The following MBNL2 variants were observed in gnomAD, a reference collection of about 807,000 sequenced individuals.
MBNL2 encodes the protein muscleblind-like protein 2.
MBNL2 carries 17 observed loss-of-function variants against 41.9 expected under a neutral mutation model. That is an observed-to-expected ratio of 0.41 (90% confidence interval 0.28 to 0.61). MBNL2 has a LOEUF of 0.61. Ranked by LOEUF, MBNL2 falls within the 20% of genes least tolerant of loss-of-function variation. The probability of loss-of-function intolerance (pLI) is 0.35; values close to 1 mark genes in which losing one functional copy is unlikely to be tolerated. For synonymous variants in MBNL2, 195 were observed against 182.9 expected, an observed-to-expected ratio of 1.07 and a Z score of -0.53; for missense variants, 336 against 505.6, an observed-to-expected ratio of 0.66 and a Z score of 3.22.
chr13:97,223,032 T>C (rs2041053037), intron 1 of MBNL2, among the ~76,000 whole-genome samples: 1 of 152,246 alleles, frequency 6.6e-6, no homozygotes. Flanking sequence ...GCTACAGCTT[T>C]AATTGAGTTT....
At chr13:97,353,730 G>T (rs1248180245) in intron 5 of MBNL2, among the ~76,000 whole-genome samples, 1 of 152,084 alleles carries the variant, frequency 6.6e-6, no homozygotes, top group East Asian at 1.9e-4. Context: ...AACACAAAAG[G>T]TGTCTGATCT....
chr13:97,320,061 A>C (rs544088664), intron 2 of MBNL2, among the ~76,000 whole-genome samples: 2 of 152,318 alleles, frequency 1.3e-5, no homozygotes, highest in African/African-American at 4.8e-5. Flanking sequence ...TTGCTGGTGT[A>C]ACCGCCAATC....
At chr13:97,195,495 T>C in the MBNL2 span, among the ~76,000 whole-genome samples, 1 of 152,290 alleles carries the variant, frequency 6.6e-6, no homozygotes, top group East Asian at 1.9e-4. Flanking sequence ...AATTGTCTAA[T>C]AAATTCAAAA....
At chr13:97,245,869 A>G (rs2045360136) in intron 1 of MBNL2, among the ~76,000 whole-genome samples, 1 of 152,152 alleles carries the variant, frequency 6.6e-6, no homozygotes, top group South Asian at 2.1e-4. Flanking sequence ...CAGCAGCACA[A>G]TTTTCCATTA....
intron 2 of MBNL2, among the ~76,000 whole-genome samples, chr13:97,320,507 C>T (rs936855277): frequency 2.0e-5 from 3 of 151,870 alleles, no homozygotes; most frequent in African/African-American, 7.2e-5. Flanking sequence ...CCACCCACCT[C>T]AGGCTCCCAA....
the MBNL2 span, among the ~76,000 whole-genome samples, chr13:97,145,474 A>G: frequency 6.6e-6 from 1 of 152,228 alleles, no homozygotes; most frequent in African/African-American, 2.4e-5. Flanking sequence ...AAAGTGTCCA[A>G]GGAAAAAGAA....
chr13:97,185,567 G>A, the MBNL2 span, among the ~76,000 whole-genome samples: 1 of 152,144 alleles, frequency 6.6e-6, no homozygotes. Flanking sequence ...GGTGAGAGAA[G>A]GTACTGTGAC....
intron 7 of MBNL2, among the ~76,000 whole-genome samples, chr13:97,360,468 T>C (rs2063309751): frequency 6.6e-6 from 1 of 152,226 alleles, no homozygotes; most frequent in Admixed American, 6.5e-5. Context: ...AGACTTTTTC[T>C]TTTCTATGTT....
chr13:97,240,397 GAGATC>G (rs2044048559), intron 1 of MBNL2, among the ~76,000 whole-genome samples: 1 of 152,170 alleles, frequency 6.6e-6, no homozygotes, highest in Non-Finnish European at 1.5e-5. Flanking sequence ...GGGATTAAAT[GAGATC>G]ACCTCATGTA....
intron 1 of MBNL2, among the ~76,000 whole-genome samples, chr13:97,231,599 A>ATGTGGC (rs952643967): frequency 1.4e-4 from 21 of 152,128 alleles, no homozygotes; most frequent in Admixed American, 1.4e-3. Flanking sequence ...CCTTGCACCA[A>ATGTGGC]TGTGGCTGGG....
At chr13:97,173,581 C>G in the MBNL2 span, among the ~76,000 whole-genome samples, 1 of 152,122 alleles carries the variant, frequency 6.6e-6, no homozygotes, top group Non-Finnish European at 1.5e-5. Flanking sequence ...TCTTTATAGC[C>G]TGAGTGATGT....
the MBNL2 span, among the ~76,000 whole-genome samples, chr13:97,198,607 C>A: frequency 0.01 from 1,570 of 151,976 alleles, 17 homozygotes; most frequent in Non-Finnish European, 0.015. Context: ...CTTAACAGGT[C>A]TTTAATCAAA....
chr13:97,234,702 A>G (rs2042963142), intron 1 of MBNL2, among the ~76,000 whole-genome samples: 1 of 152,238 alleles, frequency 6.6e-6, no homozygotes, highest in African/African-American at 2.4e-5. Context: ...TTAAATAAAC[A>G]TACATGCAGA....
intron 2 of MBNL2, among the ~76,000 whole-genome samples, chr13:97,308,529 A>G (rs2058317409): frequency 6.6e-6 from 1 of 152,224 alleles, no homozygotes. Context: ...AGTAAAAATG[A>G]TGATGGCCCA....
chr13:97,273,727 C>T (rs1453232619), intron 1 of MBNL2, among the ~76,000 whole-genome samples: 3 of 152,198 alleles, frequency 2.0e-5, no homozygotes, highest in African/African-American at 4.8e-5. Flanking sequence ...ATTGAGGCTT[C>T]TCCCTTATAA....
At chr13:97,175,224 C>A in the MBNL2 span, among the ~76,000 whole-genome samples, 14 of 152,126 alleles carry the variant, frequency 9.2e-5, no homozygotes, top group African/African-American at 3.1e-4. Flanking sequence ...CCCAATCCTT[C>A]CTTCCTTCTC....
At chr13:97,260,745 C>A (rs1301895279) in intron 1 of MBNL2, among the ~76,000 whole-genome samples, 1 of 152,168 alleles carries the variant, frequency 6.6e-6, no homozygotes, top group East Asian at 1.9e-4. Flanking sequence ...TAAAACCACA[C>A]AAGAGAGTGG....
chr13:97,198,781 T>G, the MBNL2 span, among the ~76,000 whole-genome samples: 2 of 152,142 alleles, frequency 1.3e-5, no homozygotes, highest in Non-Finnish European at 2.9e-5. Flanking sequence ...CCATTGAATC[T>G]ATCCTCAAAA....
chr13:97,287,556 A>G (rs562398348), intron 2 of MBNL2, among the ~76,000 whole-genome samples: 1 of 152,056 alleles, frequency 6.6e-6, no homozygotes, highest in South Asian at 2.1e-4. Flanking sequence ...TTTATATATT[A>G]TTGTTAAGTA....
Sources: allele counts gnomAD v4.1 joint callset (sites outside exome capture counted in the v4.1 genomes callset), GRCh38; gene constraint gnomAD v4.1.1; transcripts MANE v1.5; gene names NCBI Gene and HGNC (gene_info 2026-07-23, HGNC 2026-07-21).